Variants in ZNF804A observed in about 807,000 individuals in gnomAD.
The protein encoded by ZNF804A is zinc finger protein 804A.
A neutral mutation model predicts 16.5 loss-of-function variants in ZNF804A; 2 were observed. The ratio of observed to expected loss-of-function variants is 0.12; its 90% confidence interval spans 0.05 to 0.38. ZNF804A has a LOEUF of 0.38. Among genes scored for constraint, ZNF804A ranks in the 10% least tolerant of loss-of-function variants. The pLI is 0.99. For missense variants in ZNF804A, 1,473 were observed against 1,390.7 expected (o/e 1.06, Z -0.94); for synonymous variants, 534 against 489.6 (o/e 1.09, Z -1.20).
intron 2 of ZNF804A, among the ~76,000 whole-genome samples, chr2:184,900,136 A>G (rs946846808): frequency 1.3e-5 from 2 of 152,108 alleles, no homozygotes; most frequent in South Asian, 2.1e-4. Flanking sequence ...TTTAATCAGG[A>G]CATCAGCTCT....
intron 1 of ZNF804A, among the ~76,000 whole-genome samples, chr2:184,791,977 A>G (rs1481169159): frequency 8.5e-5 from 13 of 152,184 alleles, no homozygotes. Context: ...TTAGGTTCCT[A>G]AATGTCTTTT....
intron 1 of ZNF804A, among the ~76,000 whole-genome samples, chr2:184,717,139 GA>G (rs1273520888): frequency 6.6e-6 from 1 of 152,086 alleles, no homozygotes; most frequent in Non-Finnish European, 1.5e-5. Context: ...GAAATTTATT[GA>G]AAAATGGCAG....
intron 1 of ZNF804A, among the ~76,000 whole-genome samples, chr2:184,774,832 T>C (rs78271141): frequency 6.6e-6 from 1 of 151,626 alleles, no homozygotes; most frequent in Non-Finnish European, 1.5e-5. Flanking sequence ...AGCTAACACA[T>C]GTGACATGTG....
intron 2 of ZNF804A, among the ~76,000 whole-genome samples, chr2:184,905,753 A>C (rs914872203): frequency 3.3e-5 from 5 of 152,140 alleles, no homozygotes; most frequent in African/African-American, 1.2e-4. Context: ...TTTTATGGTG[A>C]ATCTAGAGAA....
intron 1 of ZNF804A, among the ~76,000 whole-genome samples, chr2:184,606,872 T>C (rs1374023676): frequency 6.6e-6 from 1 of 151,520 alleles, no homozygotes; most frequent in Non-Finnish European, 1.5e-5. Context: ...CACACACACA[T>C]ATCATATTGT....
intron 1 of ZNF804A, among the ~76,000 whole-genome samples, chr2:184,672,674 T>A (rs1347967585): frequency 6.6e-6 from 1 of 152,238 alleles, no homozygotes; most frequent in African/African-American, 2.4e-5. Flanking sequence ...GAATGACTTT[T>A]TTTTTTTAGT....
At chr2:184,722,504 T>C (rs928730717) in intron 1 of ZNF804A, among the ~76,000 whole-genome samples, 9 of 152,034 alleles carry the variant, frequency 5.9e-5, no homozygotes, top group African/African-American at 2.2e-4. Flanking sequence ...ATAAACACAA[T>C]GAATCCAATT....
At position 184,891,568 on chromosome 2, in the gene ZNF804A, G is replaced by A. The variant is rs72907735; in HGVS notation, c.255+25056G>A. ...TATTATTTCTGATGTTTACAGGTCTGTAGGAAACCACTGTTATTCTTTTTT... is the reference window on the plus strand; with the variant it reads ...TATTATTTCTGATGTTTACAGGTCTATAGGAAACCACTGTTATTCTTTTTT... On this transcript the variant is annotated intron_variant, in intron 2 of 3. Coordinates refer to ENST00000302277, the MANE Select transcript of ZNF804A (RefSeq NM_194250.2). 7.2e-3 allele frequency among the ~76,000 whole-genome samples: 946 copies of A among 130,718 alleles called. 8 individuals carry two copies. Among genetic ancestry groups the A allele is most frequent in the Non-Finnish European group, 0.012 (790 of 64,256 alleles). 85.8% of individuals were successfully genotyped at this position (130,718 alleles called of 152,430 possible).
At position 184,936,121 on chromosome 2, in the gene ZNF804A, T is replaced by G; in HGVS notation, c.725T>G (p.Val242Gly). Residue 242 changes from valine (V) to glycine (G), a missense_variant, in exon 4 of 4, where the codon GTG (valine) becomes GGG (glycine). Physicochemically the swap from Val to Gly is moderately radical, Grantham distance 109. Coordinates refer to ENST00000302277, the MANE Select transcript of ZNF804A (RefSeq NM_194250.2). ...AFSEYSDDAS[V>G]GKGFSRKSRF... Reference sequence around the variant, plus strand: ...TCTGAATACAGTGATGATGCCTCAGTGGGAAAAGGATTTAGCAGAAAAAGT... The same window carrying G: ...TCTGAATACAGTGATGATGCCTCAGGGGGAAAAGGATTTAGCAGAAAAAGT... 1.2e-6 allele frequency: 2 copies of G among 1,613,978 alleles called. No individual in the cohort carries two copies. Among genetic ancestry groups the G allele is most frequent in the Non-Finnish European group, 1.7e-6 (2 of 1,179,946 alleles).
At chr2:184,659,389 T>G (rs1036875079) in intron 1 of ZNF804A, among the ~76,000 whole-genome samples, 10 of 152,166 alleles carry the variant, frequency 6.6e-5, no homozygotes, top group African/African-American at 2.4e-4. Context: ...CTATTACATG[T>G]TAGGCACTTG....
At chr2:184,909,095 G>A (rs1685320717) in intron 2 of ZNF804A, among the ~76,000 whole-genome samples, 1 of 152,010 alleles carries the variant, frequency 6.6e-6, no homozygotes, top group South Asian at 2.1e-4. Flanking sequence ...GTTATGAACT[G>A]CTATTTTTTC....
At chr2:184,881,963 G>A (rs1684815804) in intron 2 of ZNF804A, among the ~76,000 whole-genome samples, 1 of 151,970 alleles carries the variant, frequency 6.6e-6, no homozygotes, top group Admixed American at 6.6e-5. Flanking sequence ...AATGTAAATA[G>A]GTTAAATGCC....
rs374657838 is a variant in ZNF804A, at chr2:184,867,539, G to A, written c.255+1027G>A. On this transcript the variant is annotated intron_variant, in intron 2 of 3. Transcript: ENST00000302277. ...CACTGTGCTTGGAGAGGATGGTGTA[G>A]GGAAGAATTTACCCTTCAATTACAT... Among the ~76,000 whole-genome samples, 9 of 152,150 alleles carry A rather than the reference G, an allele frequency of 5.9e-5. No homozygotes were observed. In the South Asian group the frequency reaches 6.2e-4, roughly 11 times the overall value.
At chr2:184,614,706 C>G (rs1470485879) in intron 1 of ZNF804A, among the ~76,000 whole-genome samples, 1 of 152,042 alleles carries the variant, frequency 6.6e-6, no homozygotes, top group Non-Finnish European at 1.5e-5. Context: ...AAACAAACAT[C>G]CCAATCAAAA....
intron 1 of ZNF804A, among the ~76,000 whole-genome samples, chr2:184,830,281 A>G (rs1695242792): frequency 6.6e-6 from 1 of 152,180 alleles, no homozygotes. Context: ...TGTGTCTATT[A>G]AATGGACAGA....
chr2:184,685,386 C>T (rs1559126051), intron 1 of ZNF804A, among the ~76,000 whole-genome samples: 2 of 151,990 alleles, frequency 1.3e-5, no homozygotes, highest in African/African-American at 4.8e-5. Flanking sequence ...TTCTCTCCTT[C>T]TTGTTATCTG....
chr2:184,834,391 G>T (rs944830519), intron 1 of ZNF804A, among the ~76,000 whole-genome samples: 4 of 152,016 alleles, frequency 2.6e-5, no homozygotes, highest in Non-Finnish European at 2.9e-5. Context: ...CCTAGAATCA[G>T]CTATTTCTCC....
chr2:184,754,845 C>T (rs1693935066), intron 1 of ZNF804A, among the ~76,000 whole-genome samples: 1 of 151,622 alleles, frequency 6.6e-6, no homozygotes, highest in South Asian at 2.1e-4. Flanking sequence ...AGGAAATGTA[C>T]AATCATGGTG....
intron 1 of ZNF804A, among the ~76,000 whole-genome samples, chr2:184,679,628 T>G (rs370351719): frequency 6.6e-6 from 1 of 152,196 alleles, no homozygotes; most frequent in African/African-American, 2.4e-5. Context: ...CAGAGCAAAG[T>G]TGAGGCCAAG....
Sources: gnomAD v4.1 joint callset for allele counts (sites outside exome capture counted in the v4.1 genomes callset) on GRCh38, gnomAD v4.1.1 for gene constraint, MANE v1.5 for transcripts, NCBI Gene and HGNC (gene_info 2026-07-23, HGNC 2026-07-21) for gene names.